The following RIMBP2 variants were observed in gnomAD, a reference collection of about 807,000 sequenced individuals.
The protein encoded by RIMBP2 is RIMS binding protein 2, also known as RIMS-binding protein 2.
Under a neutral mutation model 118.6 loss-of-function variants are expected in RIMBP2, and 48 were observed. That is an observed-to-expected ratio of 0.40 (90% CI 0.32 to 0.51). The LOEUF is 0.51. Ranked by LOEUF, RIMBP2 falls within the 20% of genes least tolerant of loss-of-function variation. The probability of loss-of-function intolerance (pLI) is 0.41; values close to 1 mark genes in which losing one functional copy is unlikely to be tolerated. For missense variants in RIMBP2, 1,551 were observed against 1,768.3 expected, an observed-to-expected ratio of 0.88 and a Z score of 2.20; for synonymous variants, 762 against 742.9, an observed-to-expected ratio of 1.03 and a Z score of -0.42.
chr12:130,715,129 T>C (rs1299064521), intron 1 of RIMBP2, among the ~76,000 whole-genome samples: 1 of 152,210 alleles, frequency 6.6e-6, no homozygotes, highest in East Asian at 1.9e-4. Context: ...GCTCCATCTG[T>C]GACATTTCCC....
chr12:130,680,058 G>A (rs200588233), intron 1 of RIMBP2, among the ~76,000 whole-genome samples: 2 of 152,292 alleles, frequency 1.3e-5, no homozygotes, highest in East Asian at 1.9e-4. Context: ...GATCACGCAG[G>A]CAGTGTGTTC....
chr12:130,674,599 T>TAAAA (rs2064356251), intron 1 of RIMBP2, among the ~76,000 whole-genome samples: 1 of 152,154 alleles, frequency 6.6e-6, no homozygotes, highest in South Asian at 2.1e-4. Context: ...CTCACGTGGG[T>TAAAA]TATTTTAAAA....
chr12:130,512,273 T>C (rs1199158291), intron 3 of RIMBP2, among the ~76,000 whole-genome samples: 2 of 151,750 alleles, frequency 1.3e-5, no homozygotes, highest in African/African-American at 4.8e-5. Context: ...GAGCACAATA[T>C]AGGGGTGCTG....
chr12:130,678,621 G>A (rs771990909), intron 1 of RIMBP2, among the ~76,000 whole-genome samples: 6 of 152,084 alleles, frequency 3.9e-5, no homozygotes, highest in African/African-American at 1.2e-4. Context: ...AGGTTCAAGC[G>A]ACTCTCCTGC....
intron 1 of RIMBP2, among the ~76,000 whole-genome samples, chr12:130,633,407 G>A (rs1454004469): frequency 2.6e-5 from 4 of 152,114 alleles, no homozygotes; most frequent in African/African-American, 9.7e-5. Context: ...GAATTCCTGA[G>A]GGAGGAAAGT....
chr12:130,678,876 C>T (rs1259536296), intron 1 of RIMBP2, among the ~76,000 whole-genome samples: 3 of 152,102 alleles, frequency 2.0e-5, no homozygotes, highest in Admixed American at 1.3e-4. Context: ...AGAGGCAGAA[C>T]GTAGACCCAT....
At chr12:130,498,770 G>C (rs1439669539) in intron 4 of RIMBP2, among the ~76,000 whole-genome samples, 1 of 152,100 alleles carries the variant, frequency 6.6e-6, no homozygotes, top group Non-Finnish European at 1.5e-5. Context: ...CAAAGAGCCA[G>C]CCAAGGCTGC....
At position 130,703,937 on chromosome 12, in the gene RIMBP2, G is replaced by A. The variant is rs1008615164; in HGVS notation, c.-352+12285C>T. Reference sequence around the variant, plus strand: ...AGGCAGTGCCCCAGCTGTGCTCACCGGTGAGGGGAACACACCACCTTCCTG... The same window carrying A: ...AGGCAGTGCCCCAGCTGTGCTCACCAGTGAGGGGAACACACCACCTTCCTG... On this transcript the variant is annotated intron_variant, in intron 1 of 22. Coordinates refer to ENST00000690449, the MANE Select transcript of RIMBP2 (RefSeq NM_001393629.1). The surrounding 1 kb of genome is among the most constrained non-coding windows in gnomAD (Gnocchi z 5.7). Among the ~76,000 whole-genome samples the A allele has an allele frequency of 3.9e-5, 6 of 152,130 alleles. No individual in the cohort carries two copies. Among genetic ancestry groups the A allele is most frequent in the African/African-American group, 1.2e-4 (5 of 41,448 alleles).
At chr12:130,551,815 C>A (rs1336358837) in intron 2 of RIMBP2, among the ~76,000 whole-genome samples, 2 of 152,246 alleles carry the variant, frequency 1.3e-5, no homozygotes, top group Non-Finnish European at 2.9e-5. Flanking sequence ...AGAGGTAATT[C>A]TTTTCCACAA....
intron 4 of RIMBP2, among the ~76,000 whole-genome samples, chr12:130,503,564 C>T (rs991008554): frequency 6.6e-6 from 1 of 152,272 alleles, no homozygotes; most frequent in Admixed American, 6.5e-5. Flanking sequence ...AAGGAAGAGA[C>T]TTGGAAAAAT....
intron 12 of RIMBP2, 26 bp downstream of exon 12, chr12:130,438,336 CCCT>C: frequency 5.9e-6 from 5 of 844,138 alleles, no homozygotes; most frequent in Non-Finnish European, 9.8e-6. Flanking sequence ...GCCTAACAAA[CCCT>C]CCCCACCCAC....
chr12:130,690,879 G>T (rs757059250), intron 1 of RIMBP2, among the ~76,000 whole-genome samples: 50 of 151,588 alleles, frequency 3.3e-4, no homozygotes, highest in African/African-American at 1.2e-3. Flanking sequence ...TCTTCCTCTC[G>T]CTCCCCAGTG....
At position 130,579,710 on chromosome 12, in the gene RIMBP2, T is replaced by C. The variant is rs561643124; in HGVS notation, c.-217+48612A>G. Among the ~76,000 whole-genome samples, 3 of 152,108 alleles carry C rather than the reference T, an allele frequency of 2.0e-5. No individual in the cohort carries two copies. In the East Asian group the frequency reaches 5.9e-4, roughly 30 times the overall value. On this transcript the variant is annotated intron_variant, in intron 2 of 22. Transcript: ENST00000690449. ...GTAAAAGCACCTTATCTGTCCTGTG[T>C]ACTAAGGCCTCACACTCGTGCCCGG...
intron 1 of RIMBP2, among the ~76,000 whole-genome samples, chr12:130,659,349 A>G (rs978078777): frequency 1.3e-5 from 2 of 152,002 alleles, no homozygotes; most frequent in African/African-American, 4.8e-5. Flanking sequence ...AGGCAGGTGG[A>G]TCACGAGGTC....
chr12:130,544,260 C>T (rs2054890666), intron 2 of RIMBP2, among the ~76,000 whole-genome samples: 1 of 152,214 alleles, frequency 6.6e-6, no homozygotes, highest in Non-Finnish European at 1.5e-5. Flanking sequence ...ATATCGCTCT[C>T]CTCCCCAGTA....
At chr12:130,458,988 G>C (rs1227911100) in intron 6 of RIMBP2, among the ~76,000 whole-genome samples, 2 of 150,282 alleles carry the variant, frequency 1.3e-5, no homozygotes, top group African/African-American at 4.9e-5. Flanking sequence ...AGGTTGTAGT[G>C]AGCTGAGATC....
chr12:130,451,473 C>T (rs555149647), intron 7 of RIMBP2, 133 bp from the exon 8 acceptor site: 27 of 980,762 alleles, frequency 2.8e-5, no homozygotes, highest in Admixed American at 1.8e-4. Context: ...GGGGTCCACC[C>T]GTCTCCTGCT....
In RIMBP2 at chr12:130,591,000, C is replaced by T. The variant is rs184841504; in HGVS notation, c.-217+37322G>A. Among the ~76,000 whole-genome samples, 8 of 152,334 alleles carry T rather than the reference C, an allele frequency of 5.3e-5. No homozygotes were observed. The East Asian group carries it at 1.4e-3, about 26-fold the overall frequency. ...CAACATCATCCAACAACGAGAGCAA[C>T]GCACTTGGACTTCAAGAGAAGGATT... is the stretch of plus-strand genomic sequence containing the variant. On this transcript the variant is annotated intron_variant, in intron 2 of 22. Coordinates refer to ENST00000690449, the MANE Select transcript of RIMBP2 (RefSeq NM_001393629.1).
chr12:130,699,904 TA>T (rs33963621), intron 1 of RIMBP2, among the ~76,000 whole-genome samples: 5,056 of 85,474 alleles, frequency 0.059, 91 homozygotes, highest in Middle Eastern at 0.1. Context: ...GACTCTGTCT[TA>T]AAAAAAAAAA....
Sources: gnomAD v4.1 joint callset for allele counts (sites outside exome capture counted in the v4.1 genomes callset) on GRCh38, gnomAD v4.1.1 for gene constraint, Gnocchi (gnomAD v3.1) non-coding constraint, MANE v1.5 for transcripts, NCBI Gene and HGNC (gene_info 2026-07-23, HGNC 2026-07-21) for gene names.